IDH2: variants seen among roughly 807,000 people sequenced by gnomAD.
IDH2 encodes isocitrate dehydrogenase (NADP(+)) 2.
IDH2 carries 18 observed loss-of-function variants against 50.5 expected under a neutral mutation model. That is an observed-to-expected ratio of 0.36 (90% confidence interval 0.25 to 0.53). IDH2 has a LOEUF of 0.53. Among genes scored for constraint, IDH2 ranks in the 20% least tolerant of loss-of-function variants. The pLI, the probability that IDH2 is intolerant of heterozygous loss-of-function variation, is 0.92. For missense variants in IDH2, 518 were observed against 610.7 expected, an observed-to-expected ratio of 0.85 and a Z score of 1.60; for synonymous variants, 280 against 239.8, an observed-to-expected ratio of 1.17 and a Z score of -1.55.
rs1043534009 is a variant in IDH2, at chr15:90,100,117, C to T, written c.115+2159G>A. Among the ~76,000 whole-genome samples the T allele has an allele frequency of 6.6e-6, 1 of 152,120 alleles. No homozygotes were observed. Among genetic ancestry groups the T allele is most frequent in the African/African-American group, 2.4e-5 (1 of 41,412 alleles). ...GCCTGCACCAGATGTACACGGGTGG[C>T]ATCTCTCTCCAGCAATAGGCCCCAT... On this transcript the variant is annotated intron_variant, in intron 1 of 10. Transcript: ENST00000330062. The surrounding 1 kb of genome is among the most constrained non-coding windows in gnomAD (Gnocchi z 4.1).
In IDH2 at chr15:90,085,023, C is replaced by G. The variant is rs774323865; in HGVS notation, c.1156G>C (p.Asp386His). The G allele has an allele frequency of 1.5e-5, 24 of 1,613,920 alleles. 1 individual carries two copies. In the Admixed American group the frequency reaches 3.8e-4, roughly 26 times the overall value. ...TRGLEHRGKL[D>H]GNQDLIRFAQ... ...CACCTGATGAGGTCTTGGTTCCCAT[C>G]CAGCTTCCCCCGGTGCTCCAGGCCA... Residue 386 changes from aspartate to histidine, a missense_variant, in exon 9 of 11, where the codon GAT becomes CAT. Asp to His is a moderately conservative substitution (Grantham distance 81). Around this residue, in one of 5 missense-constraint regions of IDH2, gnomAD observed 135 missense variants for 167.6 expected, o/e 0.81. Transcript: ENST00000330062. The surrounding 1 kb of genome is among the most constrained non-coding windows in gnomAD (Gnocchi z 5.5).
rs1173490174 is a variant in IDH2, at chr15:90,085,251, T to G, written c.1080+24A>C. The G allele has an allele frequency of 6.5e-7, 1 of 1,528,476 alleles. No individual in the cohort carries two copies. Among genetic ancestry groups the G allele is most frequent in the Non-Finnish European group, 8.9e-7 (1 of 1,122,164 alleles). 94.7% of individuals were successfully genotyped at this position (1,528,476 alleles called of 1,614,324 possible). ...AGGCCCCTGGGGTAGAGGGGCATTG[T>G]GAGGCCCCATGCCCTGCACTCACCT... On this transcript the variant is annotated intron_variant, in intron 8 of 10. Transcript: ENST00000330062. The surrounding 1 kb of genome is among the most constrained non-coding windows in gnomAD (Gnocchi z 5.5).
intron 5 of IDH2, 97 bp from the exon 6 acceptor site, chr15:90,087,672 G>C: frequency 7.0e-7 from 1 of 1,424,024 alleles, no homozygotes; most frequent in South Asian, 1.1e-5. Flanking sequence ...CTCCAGGAAC[G>C]GTACCCCGCC....
chr15:90,084,992 C>G lies in IDH2; in HGVS notation c.1178+9G>C. 1 of 1,613,642 alleles carries G rather than the reference C, an allele frequency of 6.2e-7. No homozygotes were observed. The highest frequency in any genetic ancestry group is 8.5e-7 in the Non-Finnish European group (1 of 1,179,694). On this transcript the variant is annotated intron_variant, in intron 9 of 10. Transcript: ENST00000330062. This position sits in a 1 kb window ranked among gnomAD's most constrained non-coding sequence, Gnocchi z 5.0. ...CCTGGGCAGCTCCGGCCTCTCCCTC[C>G]ATGCTCACCTGATGAGGTCTTGGTT...
chr15:90,091,932 G>A (rs1901049991), intron 1 of IDH2, among the ~76,000 whole-genome samples: 1 of 152,220 alleles, frequency 6.6e-6, no homozygotes, highest in Non-Finnish European at 1.5e-5. Flanking sequence ...CACACAGCAG[G>A]AGGAGAGCTG....
rs768052048 is a variant in IDH2, at chr15:90,102,370, G to A, written c.21C>T (p.Val7=). The A allele has an allele frequency of 1.0e-4, 141 of 1,363,036 alleles. No individual in the cohort carries two copies. The highest frequency in any genetic ancestry group is 1.3e-4 in the Non-Finnish European group (140 of 1,047,578). 84.4% of individuals were successfully genotyped at this position (1,363,036 alleles called of 1,614,324 possible). A position where few individuals can be genotyped will look rare whatever the true frequency, so the allele number is the denominator to read the frequency against. Residue 7 remains valine (V), a synonymous_variant, in exon 1 of 11, where the codon GTC becomes GTT. Transcript: ENST00000330062. ...CTGAGGCTCTGCAGAGCGAGCGCAC[G>A]ACCCGCAGGTAGCCGGCCATCCCAA... The part of the protein sequence containing the change: MAGYLR[V]VRSLCRASGS...
chr15:90,090,695 G>C (rs1320960684), intron 2 of IDH2, 51 bp from the exon 3 acceptor site: 1 of 1,583,560 alleles, frequency 6.3e-7, no homozygotes, highest in Non-Finnish European at 8.7e-7. Flanking sequence ...TCAGGGACAT[G>C]ACAACAAAGG....
At chr15:90,096,441 A>G (rs564993357) in intron 1 of IDH2, among the ~76,000 whole-genome samples, 9 of 152,314 alleles carry the variant, frequency 5.9e-5, no homozygotes, top group African/African-American at 1.9e-4. Context: ...CCATAATGAG[A>G]TATCACCCCA....
At chr15:90,088,888 G>A (rs1454588735) in intron 3 of IDH2, 141 bp from the exon 4 acceptor site, 2 of 769,714 alleles carry the variant, frequency 2.6e-6, no homozygotes, top group East Asian at 2.7e-5. Flanking sequence ...GCAAATGTGT[G>A]GGCTCTGGAG....
Position 90,085,614 on chromosome 15 carries a change from CA to C in IDH2, c.968-228del, listed in dbSNP as rs543755347. Among the ~76,000 whole-genome samples the C allele has an allele frequency of 4.8e-4, 73 of 152,328 alleles. No individual in the cohort carries two copies. The highest frequency in any genetic ancestry group is 9.1e-4 in the Non-Finnish European group (62 of 68,020). On this transcript the variant is annotated intron_variant, in intron 7 of 10. Coordinates refer to ENST00000330062, the MANE Select transcript of IDH2 (RefSeq NM_002168.4). The surrounding 1 kb of genome is among the most constrained non-coding windows in gnomAD (Gnocchi z 5.5). ...GAGGGCACTGGAGGGTGGCTATCACCAGCACATTAACATCCATCTGTGTCAC... is the reference window on the plus strand; with the variant it reads ...GAGGGCACTGGAGGGTGGCTATCACCGCACATTAACATCCATCTGTGTCAC...
In IDH2 at chr15:90,087,174, C is replaced by G. The variant is rs1269352756; in HGVS notation, c.905G>C (p.Gly302Ala). ...DMVAQVLKSSGGFVWACKNYD... is the reference protein window; with the variant it reads ...DMVAQVLKSSAGFVWACKNYD... ...GTTCTTGCAGGCCCACACAAAGCCA[C>G]CCGAAGACTTGAGGACCTGAGCCAC... The change falls in exon 7 of 11, where the codon GGT becomes GCT. Residue 302 changes from glycine to alanine, a missense_variant. By Grantham distance (60) the Gly-to-Ala change is moderately conservative. Coordinates refer to ENST00000330062, the MANE Select transcript of IDH2 (RefSeq NM_002168.4). 2 of 1,614,042 alleles carry G rather than the reference C, an allele frequency of 1.2e-6. No homozygotes were observed. Among genetic ancestry groups the G allele is most frequent in the African/African-American group, 2.7e-5 (2 of 74,908 alleles).
At chr15:90,092,564 C>G (rs1352129982) in intron 1 of IDH2, among the ~76,000 whole-genome samples, 1 of 147,840 alleles carries the variant, frequency 6.8e-6, no homozygotes, top group Non-Finnish European at 1.5e-5. Context: ...TGCCACCACA[C>G]CCAGCTATTT....
At chr15:90,094,332 G>T (rs1050796394) in intron 1 of IDH2, among the ~76,000 whole-genome samples, 2 of 152,222 alleles carry the variant, frequency 1.3e-5, no homozygotes, top group Admixed American at 1.3e-4. Flanking sequence ...GCAGCAGATA[G>T]GGGCACCGGG....
Position 90,084,335 on chromosome 15 carries a change from G to A in IDH2, c.1290C>T (p.His430=), listed in dbSNP as rs368733189. 22 of 1,613,972 alleles carry A rather than the reference G, an allele frequency of 1.4e-5. No individual in the cohort carries two copies. The highest frequency in any genetic ancestry group is 8.0e-5 in the African/African-American group (6 of 74,936). ...HGLSNVKLNE[H]FLNTTDFLDT... ...CGAGGAAGTCCGTGGTGTTCAGGAA[G>A]TGCTCGTTCAGCTTCACACTGCAGA... Residue 430 remains histidine (H), a synonymous_variant, in exon 11 of 11, where the codon CAC becomes CAT. Coordinates refer to ENST00000330062, the MANE Select transcript of IDH2 (RefSeq NM_002168.4). The surrounding 1 kb of genome is among the most constrained non-coding windows in gnomAD (Gnocchi z 5.0).
intron 5 of IDH2, among the ~76,000 whole-genome samples, chr15:90,088,105 T>C (rs548714140): frequency 1.3e-5 from 2 of 152,122 alleles, no homozygotes; most frequent in Admixed American, 6.5e-5. Context: ...TTTCTTTTCT[T>C]TTCTTTTTGT....
At chr15:90,097,269 G>A (rs959594208) in intron 1 of IDH2, among the ~76,000 whole-genome samples, 4 of 152,096 alleles carry the variant, frequency 2.6e-5, no homozygotes, top group Non-Finnish European at 5.9e-5. Flanking sequence ...ACAGTATATT[G>A]TTATAATTGT....
chr15:90,096,136 A>T (rs1901175022), intron 1 of IDH2, among the ~76,000 whole-genome samples: 1 of 152,048 alleles, frequency 6.6e-6, no homozygotes, highest in Non-Finnish European at 1.5e-5. Flanking sequence ...GTGTCTACTA[A>T]AAATAGAAAA....
Position 90,087,016 on chromosome 15 carries a change from T to A in IDH2, c.967+96A>T, listed in dbSNP as rs1900876194. On this transcript the variant is annotated intron_variant, in intron 7 of 10. Transcript: ENST00000330062. ...CAGAGGACCCTGCAATGAGTCCTGCTCCACTAGAGTTTTCTACCAAAAGGG... is the reference window on the plus strand; with the variant it reads ...CAGAGGACCCTGCAATGAGTCCTGCACCACTAGAGTTTTCTACCAAAAGGG... The A allele has an allele frequency of 7.4e-6, 10 of 1,358,070 alleles. No individual in the cohort carries two copies. In the South Asian group the frequency reaches 1.1e-4, roughly 14 times the overall value. The allele number at this position is 1,358,070 out of a possible 1,614,324, so 84.1% of individuals were successfully genotyped here.
At chr15:90,086,985 T>G in intron 7 of IDH2, 127 bp downstream of exon 7, 4 of 1,004,860 alleles carry the variant, frequency 4.0e-6, no homozygotes, top group Non-Finnish European at 6.2e-6. Context: ...TGCCCCCTGC[T>G]GTCCACAGAG....
Sources: allele counts gnomAD v4.1 joint callset (sites outside exome capture counted in the v4.1 genomes callset), GRCh38; gene constraint gnomAD v4.1.1; regional missense constraint gnomAD v4.1.1; non-coding constraint Gnocchi (gnomAD v3.1); transcripts MANE v1.5; gene names NCBI Gene and HGNC (gene_info 2026-07-23, HGNC 2026-07-21).